The following TENM4 variants were observed in gnomAD, a reference collection of about 807,000 sequenced individuals.
TENM4 encodes the protein teneurin-4.
In TENM4, 82 loss-of-function variants were observed where a neutral mutation model predicts 243.3. The observed-to-expected ratio is 0.34, with a 90% confidence interval of 0.28 to 0.40. The LOEUF (loss-of-function observed/expected upper bound fraction) is 0.40, where lower values mean the gene tolerates loss of function less well. TENM4 is among the 10% of genes least tolerant of loss of function. TENM4 has a pLI of 1.00. For missense variants in TENM4, 3,138 were observed against 3,673.3 expected (o/e 0.85, Z 3.77); for synonymous variants, 1,412 against 1,456.3 (o/e 0.97, Z 0.69).
intron 2 of TENM4, among the ~76,000 whole-genome samples, chr11:79,286,042 A>G (rs1856244540): frequency 6.6e-6 from 1 of 152,234 alleles, no homozygotes; most frequent in African/African-American, 2.4e-5. Flanking sequence ...CACGTGAATT[A>G]TATCTCAATA....
At chr11:78,818,618 C>T (rs1322044025) in intron 12 of TENM4, among the ~76,000 whole-genome samples, 1 of 152,154 alleles carries the variant, frequency 6.6e-6, no homozygotes, top group Non-Finnish European at 1.5e-5. Context: ...CAGTTAGGAT[C>T]CCACAAATAA....
intron 3 of TENM4, among the ~76,000 whole-genome samples, chr11:79,152,130 A>G (rs1862523008): frequency 6.6e-6 from 1 of 152,170 alleles, no homozygotes; most frequent in South Asian, 2.1e-4. Context: ...TAGAAAAGAA[A>G]CGCAATGTGT....
chr11:79,185,254 T>C (rs1212337795), intron 3 of TENM4, among the ~76,000 whole-genome samples: 2 of 152,094 alleles, frequency 1.3e-5, no homozygotes, highest in Non-Finnish European at 2.9e-5. Context: ...GCTGAGATCG[T>C]ACCACTGCAC....
chr11:78,992,426 A>G lies in TENM4; in HGVS notation c.493+72312T>C, dbSNP rs998407155. Among the ~76,000 whole-genome samples the G allele has an allele frequency of 4.6e-5, 7 of 152,208 alleles. No homozygotes were observed. In the East Asian group the frequency reaches 1.3e-3, roughly 29 times the overall value. On this transcript the variant is annotated intron_variant, in intron 6 of 33. Coordinates refer to ENST00000278550, the MANE Select transcript of TENM4 (RefSeq NM_001098816.3). ...CTCTTGTACTGATCTCATTTGACCA[A>G]GGACTCTTTCTCTGATTACACTGTG...
chr11:78,793,289 T>C (rs1417904102), intron 15 of TENM4, among the ~76,000 whole-genome samples: 1 of 152,332 alleles, frequency 6.6e-6, no homozygotes, highest in East Asian at 1.9e-4. Context: ...CCCAAAGATC[T>C]GCACGCCTTC....
chr11:78,685,842 C>T (rs1403365620), intron 29 of TENM4, among the ~76,000 whole-genome samples: 1 of 152,192 alleles, frequency 6.6e-6, no homozygotes, highest in Non-Finnish European at 1.5e-5. Context: ...GGCAATAATC[C>T]AGTCAGAGCA....
intron 18 of TENM4, among the ~76,000 whole-genome samples, chr11:78,769,238 T>C (rs1856601090): frequency 6.6e-6 from 1 of 152,240 alleles, no homozygotes; most frequent in Non-Finnish European, 1.5e-5. Flanking sequence ...CTGACATCTC[T>C]TTCCTACGAA....
At chr11:79,379,979 C>G (rs1041271238) in intron 1 of TENM4, among the ~76,000 whole-genome samples, 1 of 152,094 alleles carries the variant, frequency 6.6e-6, no homozygotes, top group Non-Finnish European at 1.5e-5. Context: ...CAGCCACTTT[C>G]GTCTGCTCTT....
At chr11:78,795,009 G>C (rs1000701566) in intron 15 of TENM4, among the ~76,000 whole-genome samples, 1 of 152,188 alleles carries the variant, frequency 6.6e-6, no homozygotes, top group Non-Finnish European at 1.5e-5. Flanking sequence ...GCTGCCAGAT[G>C]GTGGTCGCTG....
At chr11:79,368,465 C>T (rs1373377733) in intron 1 of TENM4, among the ~76,000 whole-genome samples, 3 of 152,172 alleles carry the variant, frequency 2.0e-5, no homozygotes, top group African/African-American at 7.2e-5. Flanking sequence ...ACATGCTCAC[C>T]TGTAATACTA....
intron 27 of TENM4, among the ~76,000 whole-genome samples, chr11:78,708,012 A>C (rs2135789372): frequency 6.6e-6 from 1 of 152,356 alleles, no homozygotes; most frequent in Non-Finnish European, 1.5e-5. Flanking sequence ...GAGAACAGGC[A>C]ATGTACAAAT....
At chr11:78,881,673 C>T (rs7930304) in intron 9 of TENM4, among the ~76,000 whole-genome samples, 76,925 of 152,092 alleles carry the variant, frequency 0.51, 23,601 homozygotes, top group East Asian at 0.78. Flanking sequence ...ACCCCATAAC[C>T]CGCTGCCTGA....
intron 3 of TENM4, among the ~76,000 whole-genome samples, chr11:79,172,560 A>C (rs541985820): frequency 1.6e-4 from 24 of 151,860 alleles, no homozygotes; most frequent in African/African-American, 5.8e-4. Flanking sequence ...GTTATATCCC[A>C]CGTGGCCTTC....
At chr11:79,225,492 A>G (rs1864245685) in intron 2 of TENM4, among the ~76,000 whole-genome samples, 1 of 152,092 alleles carries the variant, frequency 6.6e-6, no homozygotes. Context: ...AGCTCACTGC[A>G]TGCAGCCTCT....
chr11:79,222,676 T>C (rs11237769), intron 2 of TENM4, among the ~76,000 whole-genome samples: 9,202 of 152,274 alleles, frequency 0.06, 470 homozygotes, highest in African/African-American at 0.14. Flanking sequence ...CTGTTGTTCT[T>C]GACATTTTAA....
At chr11:79,159,484 GC>G (rs1287779159) in intron 3 of TENM4, among the ~76,000 whole-genome samples, 1 of 152,144 alleles carries the variant, frequency 6.6e-6, no homozygotes, top group Non-Finnish European at 1.5e-5. Flanking sequence ...TTGTTTTCAA[GC>G]TTTTTGTCAT....
chr11:78,669,210 G>T lies in TENM4; in HGVS notation c.7135C>A (p.Gln2379Lys), dbSNP rs768199920. Residue 2379 changes from glutamine (Q) to lysine (K), a missense_variant, in exon 32 of 34, where the codon CAA becomes AAA. This residue lies in a region of TENM4 where 2,467 missense variants were observed against 3,059.1 expected (regional missense o/e 0.81). Coordinates refer to ENST00000278550, the MANE Select transcript of TENM4 (RefSeq NM_001098816.3). This position sits in a 1 kb window ranked among gnomAD's most constrained non-coding sequence, Gnocchi z 6.4. Reference protein sequence around the residue: ...VFSGTGLMIKQILYTAYGEIY... With the variant: ...VFSGTGLMIKKILYTAYGEIY... The stretch of plus-strand genomic sequence containing the variant: ...TCCCCATAGGCTGTGTACAGGATTT[G>T]CTTGATCATCAAACCTGTTCCACTA... 3.1e-6 allele frequency: 5 copies of T among 1,612,834 alleles called. No homozygotes were observed. Among genetic ancestry groups the T allele is most frequent in the Middle Eastern group, 3.3e-4 (2 of 6,060 alleles).
At chr11:78,731,305 A>C (rs1165046436) in intron 21 of TENM4, among the ~76,000 whole-genome samples, 1 of 152,236 alleles carries the variant, frequency 6.6e-6, no homozygotes, top group Non-Finnish European at 1.5e-5. Context: ...GAGACAGGAG[A>C]CAGGCGCTGA....
chr11:78,687,910 G>T, intron 29 of TENM4, 144 bp downstream of exon 29: 1 of 850,666 alleles, frequency 1.2e-6, no homozygotes, highest in Non-Finnish European at 1.8e-6. Flanking sequence ...GGTATATTTT[G>T]CAAATTAGGT....
Sources: gnomAD v4.1 joint callset for allele counts (sites outside exome capture counted in the v4.1 genomes callset) on GRCh38, gnomAD v4.1.1 for gene constraint, gnomAD v4.1.1 regional missense constraint, Gnocchi (gnomAD v3.1) non-coding constraint, MANE v1.5 for transcripts, NCBI Gene and HGNC (gene_info 2026-07-23, HGNC 2026-07-21) for gene names.